Variants in ASCC3 observed in about 807,000 individuals in gnomAD.
The protein encoded by ASCC3 is activating signal cointegrator 1 complex subunit 3.
Under a neutral mutation model 256.3 loss-of-function variants are expected in ASCC3, and 158 were observed. That is an observed-to-expected ratio of 0.62 (90% CI 0.54 to 0.70). The LOEUF is 0.70. Among genes scored for constraint, ASCC3 ranks in the 30% least tolerant of loss-of-function variants. The pLI is 0.00. For synonymous variants in ASCC3, 948 were observed against 883.4 expected (o/e 1.07, Z -1.30); for missense variants, 2,259 against 2,626.0 (o/e 0.86, Z 3.05).
At chr6:100,591,002 T>C (rs576504912) in intron 34 of ASCC3, among the ~76,000 whole-genome samples, 1 of 152,242 alleles carries the variant, frequency 6.6e-6, no homozygotes, top group South Asian at 2.1e-4. Context: ...TAAAAGACTA[T>C]TGCAATTTAT....
intron 4 of ASCC3, among the ~76,000 whole-genome samples, chr6:100,834,137 ATAAG>A (rs1771763960): frequency 1.3e-5 from 2 of 152,232 alleles, no homozygotes; most frequent in Non-Finnish European, 2.9e-5. Context: ...GAAAAAATGA[ATAAG>A]TAATAAAAGG....
chr6:100,528,464 T>G (rs1774706008), intron 37 of ASCC3, among the ~76,000 whole-genome samples: 1 of 152,174 alleles, frequency 6.6e-6, no homozygotes, highest in Admixed American at 6.5e-5. Flanking sequence ...CTAGCACATA[T>G]GACAATTGAT....
chr6:100,541,822 C>A (rs1775477825), intron 36 of ASCC3, among the ~76,000 whole-genome samples: 1 of 152,140 alleles, frequency 6.6e-6, no homozygotes, highest in Non-Finnish European at 1.5e-5. Flanking sequence ...GCAGACAAAA[C>A]AGTTGTTACA....
At chr6:100,600,305 G>A (rs901562874) in intron 34 of ASCC3, among the ~76,000 whole-genome samples, 1 of 151,850 alleles carries the variant, frequency 6.6e-6, no homozygotes, top group Non-Finnish European at 1.5e-5. Flanking sequence ...ATAGTAATGG[G>A]ACCTAGAACA....
intron 8 of ASCC3, among the ~76,000 whole-genome samples, chr6:100,786,131 T>C (rs754196708): frequency 4.4e-4 from 67 of 152,174 alleles, no homozygotes; most frequent in Admixed American, 1.4e-3. Context: ...GGCTGCACAA[T>C]CATAACAAGC....
intron 10 of ASCC3, among the ~76,000 whole-genome samples, chr6:100,736,068 G>C (rs1780143157): frequency 6.6e-6 from 1 of 152,044 alleles, no homozygotes; most frequent in Admixed American, 6.6e-5. Flanking sequence ...GCCTGGAAGT[G>C]GTCTGACACA....
chr6:100,652,594 ACT>A, intron 18 of ASCC3, 129 bp downstream of exon 18: 2 of 954,300 alleles, frequency 2.1e-6, no homozygotes, highest in Non-Finnish European at 3.2e-6. Flanking sequence ...CTGAGGGTAT[ACT>A]GTTGAATTCA....
chr6:100,694,100 T>C (rs1777964075), intron 13 of ASCC3, among the ~76,000 whole-genome samples: 2 of 152,032 alleles, frequency 1.3e-5, no homozygotes, highest in African/African-American at 4.8e-5. Context: ...AGTTTGAAAA[T>C]TCTAAAATCT....
chr6:100,818,292 G>A (rs991346537), intron 4 of ASCC3, among the ~76,000 whole-genome samples: 7 of 152,080 alleles, frequency 4.6e-5, no homozygotes, highest in African/African-American at 1.7e-4. Context: ...CAGCTGGCCA[G>A]GCACGGTGGT....
At chr6:100,721,602 T>C (rs1177044276) in intron 11 of ASCC3, among the ~76,000 whole-genome samples, 1 of 151,724 alleles carries the variant, frequency 6.6e-6, no homozygotes, top group African/African-American at 2.4e-5. Flanking sequence ...TGCTCTTAAA[T>C]TGGATTTTAG....
At position 100,766,351 on chromosome 6, in the gene ASCC3, A is replaced by G. The variant is rs189397110; in HGVS notation, c.1737+214T>C. 2.1e-4 allele frequency among the ~76,000 whole-genome samples: 32 copies of G among 152,324 alleles called. 1 individual carries two copies. Among genetic ancestry groups the G allele is most frequent in the African/African-American group, 7.5e-4 (31 of 41,584 alleles). On this transcript the variant is annotated intron_variant, in intron 10 of 41. Coordinates refer to ENST00000369162, the MANE Select transcript of ASCC3 (RefSeq NM_006828.4). ...TGGAACCTAACCATATTTGAGATGC[A>G]GTAAGAATTACAGGAGTTAGAAGGG...
intron 1 of ASCC3, among the ~76,000 whole-genome samples, chr6:100,876,349 ACAATAATAGAAGAAATATTTTT>A (rs1339900165): frequency 6.6e-6 from 1 of 152,188 alleles, no homozygotes; most frequent in African/African-American, 2.4e-5. Flanking sequence ...CTTACCACCC[ACAATAATAGAAGAAATATTTTT>A]CAGGTAGCAA....
At chr6:100,585,254 T>C (rs1771583572) in intron 36 of ASCC3, among the ~76,000 whole-genome samples, 2 of 152,214 alleles carry the variant, frequency 1.3e-5, no homozygotes, top group African/African-American at 4.8e-5. Context: ...CATAGTCCCA[T>C]ATTTCTTGGA....
At chr6:100,858,913 T>C (rs1395527641) in intron 3 of ASCC3, 1 of 562,094 alleles carries the variant, frequency 1.8e-6, no homozygotes, top group African/African-American at 1.9e-5. Context: ...TTTTGATTAT[T>C]ATATGCCTTT....
At chr6:100,786,449 T>C (rs192444760) in intron 8 of ASCC3, among the ~76,000 whole-genome samples, 2 of 152,298 alleles carry the variant, frequency 1.3e-5, no homozygotes, top group Admixed American at 6.5e-5. Flanking sequence ...TCATATGAAC[T>C]ATAACAAATT....
At chr6:100,597,337 G>A (rs1454480470) in intron 34 of ASCC3, among the ~76,000 whole-genome samples, 1 of 151,994 alleles carries the variant, frequency 6.6e-6, no homozygotes, top group African/African-American at 2.4e-5. Context: ...GTGGTGCCTG[G>A]AACATAGTAG....
intron 24 of ASCC3, among the ~76,000 whole-genome samples, chr6:100,640,060 A>G (rs1775043506): frequency 6.6e-6 from 1 of 152,170 alleles, no homozygotes; most frequent in African/African-American, 2.4e-5. Flanking sequence ...GGTTGCAGTG[A>G]GCCCAGATCA....
chr6:100,715,281 T>A, intron 13 of ASCC3, 181 bp downstream of exon 13: 1 of 575,834 alleles, frequency 1.7e-6, no homozygotes, highest in Non-Finnish European at 3.1e-6. Flanking sequence ...ATAATATCTA[T>A]GAATATTTTT....
intron 10 of ASCC3, among the ~76,000 whole-genome samples, chr6:100,727,381 C>G (rs1221848909): frequency 6.6e-6 from 1 of 151,822 alleles, no homozygotes; most frequent in Non-Finnish European, 1.5e-5. Context: ...GAATTTTGAA[C>G]TAAAGAATTA....
Sources: gnomAD v4.1 joint callset for allele counts (sites outside exome capture counted in the v4.1 genomes callset) on GRCh38, gnomAD v4.1.1 for gene constraint, MANE v1.5 for transcripts, NCBI Gene and HGNC (gene_info 2026-07-23, HGNC 2026-07-21) for gene names.